The following ASH1L variants were observed in gnomAD, a reference collection of about 807,000 sequenced individuals.
The protein encoded by ASH1L is ASH1 like histone lysine methyltransferase.
ASH1L carries 23 observed loss-of-function variants against 269.0 expected under a neutral mutation model. The ratio of observed to expected loss-of-function variants is 0.09; its 90% CI spans 0.06 to 0.12. ASH1L has a LOEUF of 0.12. Ranked by LOEUF, ASH1L falls within the 10% of genes least tolerant of loss-of-function variation. The probability of loss-of-function intolerance (pLI) is 1.00; values close to 1 mark genes in which losing one functional copy is unlikely to be tolerated. For synonymous variants in ASH1L, 1,187 were observed against 1,253.5 expected (o/e 0.95, Z 1.12); for missense variants, 2,912 against 3,567.8 (o/e 0.82, Z 4.68).
At position 155,555,496 on chromosome 1, in the gene ASH1L, CAAAAAA is replaced by C. The variant is rs57151613; in HGVS notation, c.-100+6651_-100+6656del. Among the ~76,000 whole-genome samples, 376 of 55,102 alleles carry C rather than the reference CAAAAAA, an allele frequency of 6.8e-3. 1 individual carries two copies. Among genetic ancestry groups the C allele is most frequent in the African/African-American group, 0.023 (363 of 15,504 alleles). 36.1% of individuals were successfully genotyped at this position (55,102 alleles called of 152,430 possible). A position where few individuals can be genotyped will look rare whatever the true frequency, so the allele number is the denominator to read the frequency against. On this transcript the variant is annotated intron_variant, in intron 1 of 27. Transcript: ENST00000392403. The stretch of plus-strand genomic sequence containing the variant: ...TGGGCAACAGAGTGAGACTCTGTCT[CAAAAAA>C]AAAAAAAAAAAAAAAATGGAAAACA...
intron 8 of ASH1L, among the ~76,000 whole-genome samples, chr1:155,379,380 C>T (rs1656744962): frequency 6.6e-6 from 1 of 152,032 alleles, no homozygotes; most frequent in Non-Finnish European, 1.5e-5. Flanking sequence ...CAAAATAAAC[C>T]TTTGGTGGCA....
intron 5 of ASH1L, among the ~76,000 whole-genome samples, chr1:155,427,401 G>A (rs997945565): frequency 1.7e-4 from 26 of 151,730 alleles, no homozygotes; most frequent in African/African-American, 4.6e-4. Flanking sequence ...TCCGCCTCCC[G>A]GGTCCAAGCG....
chr1:155,347,545 C>T, intron 20 of ASH1L, 111 bp downstream of exon 20: 1 of 1,367,484 alleles, frequency 7.3e-7, no homozygotes, highest in Non-Finnish European at 1.0e-6. Flanking sequence ...GGCTAAGTTA[C>T]AGTTCATAAA....
At chr1:155,383,127 A>G (rs1657129121) in intron 7 of ASH1L, among the ~76,000 whole-genome samples, 4 of 152,258 alleles carry the variant, frequency 2.6e-5, no homozygotes, top group Admixed American at 6.5e-5. Flanking sequence ...ACAGCTGTAC[A>G]ATGTGTTCAT....
chr1:155,480,435 C>A lies in ASH1L; in HGVS notation c.2435G>T (p.Ser812Ile). 6.2e-7 allele frequency: 1 copy of A among 1,614,054 alleles called. No homozygotes were observed. The highest frequency in any genetic ancestry group is 1.1e-5 in the South Asian group (1 of 91,082). Reference protein sequence around the residue: ...KSFATHKLSSSMCVSSDLLSD... With the variant: ...KSFATHKLSSIMCVSSDLLSD... ...CAAAAGGTCACTAGAGACACACATA[C>A]TGGAGGATAGTTTGTGAGTAGCAAA... is the stretch of plus-strand genomic sequence containing the variant. The change falls in exon 3 of 28, where the codon AGT (serine) becomes ATT (isoleucine). Residue 812 changes from serine (S) to isoleucine (I), a missense_variant. By Grantham distance (142) the Ser-to-Ile change is moderately radical. This residue lies in a region of ASH1L where 715 missense variants were observed against 721.0 expected (regional missense o/e 0.99). Transcript: ENST00000392403.
rs554381708 is a variant in ASH1L, at chr1:155,414,313, A to AT, written c.6008+1430dup. On this transcript the variant is annotated intron_variant, in intron 6 of 27. Coordinates refer to ENST00000392403, the MANE Select transcript of ASH1L (RefSeq NM_018489.3). ...CCTATAGCAAAATAGCATTAAAAAAATTTCTTTTTTTTTTGAGATGGAGTT... is the reference window on the plus strand; with the variant it reads ...CCTATAGCAAAATAGCATTAAAAAAATTTTCTTTTTTTTTTGAGATGGAGTT... Among the ~76,000 whole-genome samples, 628 of 151,714 alleles carry AT rather than the reference A, an allele frequency of 4.1e-3. 2 individuals are homozygous for AT. Among genetic ancestry groups the AT allele is most frequent in the African/African-American group, 0.015 (612 of 41,230 alleles).
chr1:155,348,610 C>T (rs1000971253), intron 19 of ASH1L, among the ~76,000 whole-genome samples: 2 of 152,106 alleles, frequency 1.3e-5, no homozygotes, highest in Non-Finnish European at 2.9e-5. Context: ...GGCCAGGAGC[C>T]GTGGCTCACG....
intron 7 of ASH1L, among the ~76,000 whole-genome samples, chr1:155,382,827 GCGATC>G: frequency 6.6e-6 from 1 of 151,948 alleles, no homozygotes; most frequent in East Asian, 1.9e-4. Flanking sequence ...CCAGACTAAA[GCGATC>G]CTCTCACTTC....
At chr1:155,349,181 G>T (rs1373982509) in intron 19 of ASH1L, 146 bp downstream of exon 19, 1 of 772,288 alleles carries the variant, frequency 1.3e-6, no homozygotes, top group African/African-American at 1.8e-5. Context: ...TTAGTATACT[G>T]TAACACATAC....
intron 5 of ASH1L, among the ~76,000 whole-genome samples, chr1:155,420,933 T>C (rs1338556955): frequency 6.6e-6 from 1 of 150,886 alleles, no homozygotes. Flanking sequence ...AAACACTGAA[T>C]GTCATTAAGA....
At chr1:155,365,721 C>T (rs915356358) in intron 12 of ASH1L, among the ~76,000 whole-genome samples, 1 of 152,142 alleles carries the variant, frequency 6.6e-6, no homozygotes, top group African/African-American at 2.4e-5. Flanking sequence ...AATAAAAGCC[C>T]CTTGGGAAAA....
Position 155,338,162 on chromosome 1 carries a change from T to A in ASH1L, c.8730A>T (p.Glu2910Asp). 6.2e-7 allele frequency: 1 copy of A among 1,614,222 alleles called. No homozygotes were observed. The highest frequency in any genetic ancestry group is 8.5e-7 in the Non-Finnish European group (1 of 1,180,034). ...QEPQSTCTPE[E>D]RRHNQRERLN... ...GTCGTTCCCGTTGGTTATGCCGTCG[T>A]TCCTCAGGGGTACAGGTTGACTGGG... is the stretch of plus-strand genomic sequence containing the variant. The change falls in exon 27 of 28, where the codon GAA becomes GAT. Residue 2910 changes from glutamate to aspartate, a missense_variant. By Grantham distance (45) the Glu-to-Asp change is conservative. Around this residue, in one of 13 missense-constraint regions of ASH1L, gnomAD observed 154 missense variants for 165.0 expected, o/e 0.93. Transcript: ENST00000392403.
At chr1:155,497,092 C>G (rs1667202100) in intron 2 of ASH1L, among the ~76,000 whole-genome samples, 1 of 152,112 alleles carries the variant, frequency 6.6e-6, no homozygotes, top group Non-Finnish European at 1.5e-5. Context: ...TGTGGCTACT[C>G]TTGCTTATTT....
intron 2 of ASH1L, among the ~76,000 whole-genome samples, chr1:155,506,579 A>G (rs1392994786): frequency 1.3e-5 from 2 of 151,902 alleles, no homozygotes; most frequent in African/African-American, 2.4e-5. Context: ...TGCCTGTAGT[A>G]CCAGCTACCT....
intron 6 of ASH1L, among the ~76,000 whole-genome samples, chr1:155,411,681 T>TAAGTCTC (rs1318733647): frequency 2.1e-5 from 3 of 144,904 alleles, no homozygotes; most frequent in Non-Finnish European, 4.5e-5. Flanking sequence ...TGGGGCACTT[T>TAAGTCTC]AAGTCTCAGG....
rs765210835 is a variant in ASH1L at position 155,438,834 on chromosome 1, G to A, written c.5321C>T (p.Ser1774Phe). The A allele has an allele frequency of 6.2e-7, 1 of 1,614,198 alleles. No homozygotes were observed. Among genetic ancestry groups the A allele is most frequent in the South Asian group, 1.1e-5 (1 of 91,078 alleles). ...TAGGAGTGAGATGCTATTATTGCAAGAGTCACTTGTGACTGCAGGCACTAA... is the reference window on the plus strand; with the variant it reads ...TAGGAGTGAGATGCTATTATTGCAAAAGTCACTTGTGACTGCAGGCACTAA... ...SLLVPAVTSDSCNNSISLLSE... is the reference protein window; with the variant it reads ...SLLVPAVTSDFCNNSISLLSE... Residue 1774 changes from serine (S) to phenylalanine (F), a missense_variant, in exon 5 of 28, where the codon TCT (serine) becomes TTT (phenylalanine). This residue lies in a region of ASH1L where 789 missense variants were observed against 897.6 expected (regional missense o/e 0.88). Coordinates refer to ENST00000392403, the MANE Select transcript of ASH1L (RefSeq NM_018489.3).
At chr1:155,444,282 T>C (rs1662831253) in intron 4 of ASH1L, among the ~76,000 whole-genome samples, 1 of 152,062 alleles carries the variant, frequency 6.6e-6, no homozygotes, top group African/African-American at 2.4e-5. Context: ...GCAACCTGCC[T>C]AGAATTACTA....
At chr1:155,349,290 A>G in intron 19 of ASH1L, 37 bp downstream of exon 19, 1 of 1,591,168 alleles carries the variant, frequency 6.3e-7, no homozygotes, top group South Asian at 1.1e-5. Context: ...TTTTCAGAAC[A>G]AACTTGTGAA....
intron 1 of ASH1L, among the ~76,000 whole-genome samples, chr1:155,551,647 G>A (rs1671221110): frequency 7.3e-6 from 1 of 137,228 alleles, no homozygotes; most frequent in African/African-American, 2.8e-5. Context: ...GCGACAGAGC[G>A]AGACTCCGTC....
Sources: gnomAD v4.1 joint callset for allele counts (sites outside exome capture counted in the v4.1 genomes callset) on GRCh38, gnomAD v4.1.1 for gene constraint, gnomAD v4.1.1 regional missense constraint, MANE v1.5 for transcripts, NCBI Gene and HGNC (gene_info 2026-07-23, HGNC 2026-07-21) for gene names.